The following IPO11 variants were observed in gnomAD, a reference collection of about 807,000 sequenced individuals.
The protein encoded by IPO11 is importin-11.
Under a neutral mutation model 143.2 loss-of-function variants are expected in IPO11, and 66 were observed. The observed-to-expected ratio is 0.46, with a 90% CI of 0.38 to 0.57. The LOEUF (loss-of-function observed/expected upper bound fraction) is 0.57, where lower values mean the gene tolerates loss of function less well. IPO11 is among the 20% of genes least tolerant of loss of function. The pLI, the probability that IPO11 is intolerant of heterozygous loss-of-function variation, is 0.00. For missense variants in IPO11, 1,026 were observed against 1,141.0 expected (o/e 0.90, Z 1.45); for synonymous variants, 385 against 377.8 (o/e 1.02, Z -0.22).
At chr5:62,553,599 A>G (rs1401959950) in intron 26 of IPO11, among the ~76,000 whole-genome samples, 1 of 150,440 alleles carries the variant, frequency 6.6e-6, no homozygotes, top group Non-Finnish European at 1.5e-5. Context: ...ACTAGTTTAC[A>G]TTCCCACCAG....
At chr5:62,578,704 C>T (rs1744415213) in intron 27 of IPO11, 2 of 469,162 alleles carry the variant, frequency 4.3e-6, no homozygotes, top group South Asian at 3.1e-5. Context: ...TGTCTCTTAG[C>T]TTCCTGTATC....
chr5:62,560,394 G>A (rs1326870707), intron 26 of IPO11, among the ~76,000 whole-genome samples: 1 of 152,180 alleles, frequency 6.6e-6, no homozygotes, highest in East Asian at 1.9e-4. Context: ...CTTCTTTCCT[G>A]GGCATACTGT....
chr5:62,585,093 A>G (rs747036795), intron 27 of IPO11, among the ~76,000 whole-genome samples: 1 of 152,160 alleles, frequency 6.6e-6, no homozygotes, highest in Non-Finnish European at 1.5e-5. Flanking sequence ...TTTTCGGTAC[A>G]TGCACATAAA....
In IPO11 at chr5:62,606,261, G is replaced by T. The variant is rs568622239; in HGVS notation, c.2763+4413G>T. On this transcript the variant is annotated intron_variant, in intron 29 of 29. Transcript: ENST00000325324. ...TTTGGGAGGCCGAGGTGGGCAAATCGCTTGAGCCTAGGAGTTCAAGACCAG... is the reference window on the plus strand; with the variant it reads ...TTTGGGAGGCCGAGGTGGGCAAATCTCTTGAGCCTAGGAGTTCAAGACCAG... 3.4e-5 allele frequency among the ~76,000 whole-genome samples: 5 copies of T among 144,976 alleles called. No homozygotes were observed. In the South Asian group the frequency reaches 9.0e-4, roughly 26 times the overall value.
In IPO11 at chr5:62,486,310, C is replaced by A. The variant is rs577831653; in HGVS notation, c.1218+848C>A. ...TTTTGTTTAACTTGGGGTCGGAAAA[C>A]AAATTTTTTCTTCATCTTTTAGTAC... is the stretch of plus-strand genomic sequence containing the variant. On this transcript the variant is annotated intron_variant, in intron 12 of 29. Coordinates refer to ENST00000325324, the MANE Select transcript of IPO11 (RefSeq NM_016338.5). Among the ~76,000 whole-genome samples the A allele has an allele frequency of 1.1e-4, 17 of 152,202 alleles. No individual in the cohort carries two copies. In the South Asian group the frequency reaches 2.9e-3, roughly 26 times the overall value.
intron 27 of IPO11, among the ~76,000 whole-genome samples, chr5:62,571,744 G>T (rs1420788498): frequency 1.3e-5 from 2 of 149,612 alleles, no homozygotes; most frequent in East Asian, 3.9e-4. Context: ...GGAGTACAGT[G>T]GCACAATCTC....
intron 26 of IPO11, among the ~76,000 whole-genome samples, chr5:62,553,988 C>G (rs1438052909): frequency 6.6e-6 from 1 of 152,158 alleles, no homozygotes; most frequent in Non-Finnish European, 1.5e-5. Flanking sequence ...GCCTCGGCCT[C>G]CCAAAGTGCT....
intron 29 of IPO11, among the ~76,000 whole-genome samples, chr5:62,624,298 T>G (rs1257823621): frequency 2.0e-5 from 3 of 152,158 alleles, no homozygotes; most frequent in East Asian, 3.9e-4. Flanking sequence ...CCTCCCAAAG[T>G]GCTGGGATTA....
At chr5:62,523,888 T>C (rs1382918816) in intron 20 of IPO11, among the ~76,000 whole-genome samples, 1 of 151,944 alleles carries the variant, frequency 6.6e-6, no homozygotes. Flanking sequence ...CTGAGAATGG[T>C]ATTTGGAGGA....
At chr5:62,419,702 G>A (rs530073246) in intron 1 of IPO11, among the ~76,000 whole-genome samples, 1 of 152,080 alleles carries the variant, frequency 6.6e-6, no homozygotes, top group East Asian at 1.9e-4. Flanking sequence ...ATTATGATAA[G>A]AAGTATAGTA....
intron 27 of IPO11, chr5:62,580,286 T>G (rs1262206284): frequency 6.5e-7 from 1 of 1,538,896 alleles, no homozygotes; most frequent in East Asian, 2.4e-5. Context: ...CATTTGATCT[T>G]AAGTCATAAT....
Position 62,435,126 on chromosome 5 carries a change from G to GTA in IPO11, c.-6-2140_-6-2139dup, listed in dbSNP as rs202161598. Among the ~76,000 whole-genome samples the GTA allele has an allele frequency of 2.2e-4, 16 of 73,516 alleles. 2 individuals are homozygous for GTA. 48.2% of individuals were successfully genotyped at this position (73,516 alleles called of 152,430 possible). ...TATATATATGTATATATGTATATAT[G>GTA]TATATATATGTATATATGTATATAT... On this transcript the variant is annotated intron_variant, in intron 1 of 29. Coordinates refer to ENST00000325324, the MANE Select transcript of IPO11 (RefSeq NM_016338.5).
chr5:62,539,914 C>T (rs1742869717), intron 24 of IPO11, among the ~76,000 whole-genome samples: 1 of 152,176 alleles, frequency 6.6e-6, no homozygotes, highest in African/African-American at 2.4e-5. Flanking sequence ...GGACTTAATT[C>T]TGACTATTTG....
At chr5:62,437,043 CA>C (rs2112130940) in intron 1 of IPO11, among the ~76,000 whole-genome samples, 1 of 152,080 alleles carries the variant, frequency 6.6e-6, no homozygotes, top group Admixed American at 6.5e-5. Context: ...ATTTATGGAA[CA>C]ATGAAAGAGA....
At chr5:62,605,470 G>A (rs1745674498) in intron 29 of IPO11, among the ~76,000 whole-genome samples, 1 of 152,034 alleles carries the variant, frequency 6.6e-6, no homozygotes, top group Non-Finnish European at 1.5e-5. Flanking sequence ...ATAATACTTA[G>A]AATAGCACAT....
At chr5:62,603,509 G>T (rs1249072079) in intron 29 of IPO11, among the ~76,000 whole-genome samples, 1 of 152,178 alleles carries the variant, frequency 6.6e-6, no homozygotes, top group East Asian at 1.9e-4. Context: ...CTGCTTTACG[G>T]TAGTGGGTGG....
chr5:62,447,973 C>G (rs567090655), intron 3 of IPO11, among the ~76,000 whole-genome samples: 2 of 152,286 alleles, frequency 1.3e-5, no homozygotes, highest in South Asian at 4.1e-4. Context: ...CCTCGGCCTC[C>G]CAGAGTGCAG....
chr5:62,517,687 G>GC (rs1398286492), intron 20 of IPO11, among the ~76,000 whole-genome samples: 1 of 152,202 alleles, frequency 6.6e-6, no homozygotes, highest in Non-Finnish European at 1.5e-5. Flanking sequence ...ACAGGCGTGA[G>GC]CCACTGCTCC....
intron 29 of IPO11, among the ~76,000 whole-genome samples, chr5:62,602,163 A>G (rs1745530227): frequency 6.6e-6 from 1 of 152,176 alleles, no homozygotes; most frequent in South Asian, 2.1e-4. Context: ...TGTTTTGAGG[A>G]GATGTACTGA....
Sources: allele counts gnomAD v4.1 joint callset (sites outside exome capture counted in the v4.1 genomes callset), GRCh38; gene constraint gnomAD v4.1.1; transcripts MANE v1.5; gene names NCBI Gene and HGNC (gene_info 2026-07-23, HGNC 2026-07-21).